Variants in ATAD5 observed in about 807,000 individuals in gnomAD.
ATAD5 encodes the protein ATPase family AAA domain containing 5, also known as ATPase family AAA domain-containing protein 5.
ATAD5 carries 58 observed loss-of-function variants against 176.9 expected under a neutral mutation model. The ratio of observed to expected loss-of-function variants is 0.33; its 90% CI spans 0.27 to 0.41. ATAD5 has a LOEUF of 0.41. Among genes scored for constraint, ATAD5 ranks in the 10% least tolerant of loss-of-function variants. The pLI is 1.00. For missense variants in ATAD5, 1,789 were observed against 2,094.1 expected, an observed-to-expected ratio of 0.85 and a Z score of 2.84; for synonymous variants, 640 against 712.6, an observed-to-expected ratio of 0.90 and a Z score of 1.62.
At chr17:30,867,302 A>G (rs371164836) in intron 11 of ATAD5, among the ~76,000 whole-genome samples, 7 of 152,096 alleles carry the variant, frequency 4.6e-5, no homozygotes, top group Admixed American at 4.6e-4. Flanking sequence ...CAGGAGCCTG[A>G]GGTGGGAGGG....
intron 18 of ATAD5, among the ~76,000 whole-genome samples, chr17:30,884,849 G>A (rs9916297): frequency 0.13 from 19,751 of 149,586 alleles, 1,422 homozygotes; most frequent in South Asian, 0.24. Flanking sequence ...CTGGGTTCAC[G>A]CCATTCTCCT....
chr17:30,875,998 G>A (rs947901969), intron 14 of ATAD5, among the ~76,000 whole-genome samples: 3 of 151,600 alleles, frequency 2.0e-5, no homozygotes, highest in Admixed American at 1.3e-4. Context: ...TTAGCTGGGC[G>A]TGGTGGCGAG....
chr17:30,851,899 A>T (rs1906993463), intron 6 of ATAD5, among the ~76,000 whole-genome samples: 1 of 152,206 alleles, frequency 6.6e-6, no homozygotes, highest in Non-Finnish European at 1.5e-5. Context: ...CTTTTTTAAA[A>T]ATAGAGACTA....
intron 16 of ATAD5, 78 bp downstream of exon 16, chr17:30,877,627 A>G: frequency 7.0e-7 from 1 of 1,435,642 alleles, no homozygotes; most frequent in Middle Eastern, 2.1e-4. Context: ...TTTTCTTATA[A>G]AGAATTGTAA....
intron 18 of ATAD5, among the ~76,000 whole-genome samples, chr17:30,885,265 C>T (rs1172041952): frequency 6.6e-6 from 1 of 152,116 alleles, no homozygotes; most frequent in Non-Finnish European, 1.5e-5. Flanking sequence ...ACTGTAACTT[C>T]AAACTCCTAG....
intron 15 of ATAD5, among the ~76,000 whole-genome samples, chr17:30,877,093 C>T (rs1382103107): frequency 6.6e-6 from 1 of 151,932 alleles, no homozygotes; most frequent in African/African-American, 2.4e-5. Flanking sequence ...TCTTGGCTCA[C>T]TGCAACCTCC....
At chr17:30,865,877 C>T in intron 11 of ATAD5, 77 bp downstream of exon 11, 1 of 891,156 alleles carries the variant, frequency 1.1e-6, no homozygotes, top group Non-Finnish European at 1.7e-6. Flanking sequence ...ATTGTAGTTA[C>T]AAAGTAATAT....
At chr17:30,865,610 ACTGTG>A in intron 10 of ATAD5, 89 bp from the exon 11 acceptor site, 1 of 668,900 alleles carries the variant, frequency 1.5e-6, no homozygotes, top group East Asian at 3.1e-5. Flanking sequence ...GCAAATACCT[ACTGTG>A]ACATTGTAAC....
chr17:30,851,911 A>G (rs2142350529), intron 6 of ATAD5, among the ~76,000 whole-genome samples: 1 of 152,184 alleles, frequency 6.6e-6, no homozygotes, highest in Non-Finnish European at 1.5e-5. Context: ...TAGAGACTAG[A>G]TCTTACTATT....
In ATAD5 at chr17:30,832,462, G is replaced by T. The variant is rs779763204; in HGVS notation, c.66+49G>T. 4.2e-6 allele frequency: 6 copies of T among 1,437,900 alleles called. No individual in the cohort carries two copies. The South Asian group carries it at 7.5e-5, about 18-fold the overall frequency. 89.1% of individuals were successfully genotyped at this position (1,437,900 alleles called of 1,614,324 possible). Reference sequence around the variant, plus strand: ...TGAGTTCCTTCCTCTATCTTTTGGGGGATTGGAAGGTGGGTCTTGGCGGAA... The same window carrying T: ...TGAGTTCCTTCCTCTATCTTTTGGGTGATTGGAAGGTGGGTCTTGGCGGAA... On this transcript the variant is annotated intron_variant, in intron 1 of 22. Coordinates refer to ENST00000321990, the MANE Select transcript of ATAD5 (RefSeq NM_024857.5).
chr17:30,873,554 G>T (rs1908462987), intron 14 of ATAD5, among the ~76,000 whole-genome samples: 1 of 151,984 alleles, frequency 6.6e-6, no homozygotes, highest in African/African-American at 2.4e-5. Context: ...CTAACCTCAG[G>T]TGATCCATCT....
intron 6 of ATAD5, among the ~76,000 whole-genome samples, chr17:30,850,833 TTATATATATATATATA>T (rs1312470807): frequency 8.6e-4 from 24 of 27,838 alleles, no homozygotes; most frequent in East Asian, 2.0e-3. Flanking sequence ...TTATATATTT[TTATATATATATATATA>T]TATATATATA....
chr17:30,865,604 ATACC>A (rs1030296222), intron 10 of ATAD5, 96 bp from the exon 11 acceptor site: 2 of 629,022 alleles, frequency 3.2e-6, no homozygotes, highest in Non-Finnish European at 5.1e-6. Flanking sequence ...ATTTCTGCAA[ATACC>A]TACTGTGACA....
chr17:30,832,283 C>T lies in ATAD5; in HGVS notation c.-65C>T. The T allele has an allele frequency of 7.2e-7, 1 of 1,381,542 alleles. No individual in the cohort carries two copies. Among genetic ancestry groups the T allele is most frequent in the Non-Finnish European group, 9.5e-7 (1 of 1,053,088 alleles). The allele number at this position is 1,381,542 out of a possible 1,614,324, so 85.6% of individuals were successfully genotyped here. ...CTACTGGAGCGGGCCGCCTCCATGG[C>T]CTCCAGGCAGGCCGGGCTGGACCGC... On this transcript the variant is annotated 5_prime_UTR_variant, in exon 1 of 23. Transcript: ENST00000321990.
chr17:30,833,631 A>G (rs1905512968), intron 1 of ATAD5, among the ~76,000 whole-genome samples: 1 of 152,196 alleles, frequency 6.6e-6, no homozygotes, highest in African/African-American at 2.4e-5. Context: ...CTTTGATACA[A>G]TTGCAGCTTT....
intron 14 of ATAD5, 67 bp from the exon 15 acceptor site, chr17:30,876,307 C>A: frequency 1.5e-6 from 2 of 1,372,230 alleles, no homozygotes; most frequent in South Asian, 1.5e-5. Flanking sequence ...CAGAATGTGG[C>A]TAACTGTCTT....
chr17:30,853,731 C>G (rs1302432441), intron 6 of ATAD5, among the ~76,000 whole-genome samples: 4 of 152,154 alleles, frequency 2.6e-5, no homozygotes, highest in Non-Finnish European at 5.9e-5. Context: ...ACCTCCCATT[C>G]TCCCCACCCT....
At chr17:30,867,544 T>C (rs1908071611) in intron 11 of ATAD5, among the ~76,000 whole-genome samples, 1 of 152,208 alleles carries the variant, frequency 6.6e-6, no homozygotes. Flanking sequence ...AGCTCTAGAC[T>C]AGAACTTAAT....
rs2142464606 is a variant in ATAD5 at position 30,895,088 on chromosome 17, A to G, written c.*175A>G. On this transcript the variant is annotated 3_prime_UTR_variant, in exon 23 of 23. Coordinates refer to ENST00000321990, the MANE Select transcript of ATAD5 (RefSeq NM_024857.5). ...AAAATATTTGAGTTACAAATTTTAT[A>G]TATGATTGTAATTTTTTTTCTGAAT... is the stretch of plus-strand genomic sequence containing the variant. 2.1e-6 allele frequency: 1 copy of G among 466,530 alleles called. No individual in the cohort carries two copies. The highest frequency in any genetic ancestry group is 3.7e-5 in the East Asian group (1 of 27,262). The allele number at this position is 466,530 out of a possible 1,614,324, so 28.9% of individuals were successfully genotyped here. A position where few individuals can be genotyped will look rare whatever the true frequency, so the allele number is the denominator to read the frequency against.
Sources: allele counts gnomAD v4.1 joint callset (sites outside exome capture counted in the v4.1 genomes callset), GRCh38; gene constraint gnomAD v4.1.1; transcripts MANE v1.5; gene names NCBI Gene and HGNC (gene_info 2026-07-23, HGNC 2026-07-21).